Variants in HDAC9 observed in about 807,000 individuals in gnomAD.
The protein encoded by HDAC9 is MEF-2 interacting transcription repressor (MITR) protein.
HDAC9 carries 41 observed loss-of-function variants against 139.4 expected under a neutral mutation model. The observed-to-expected ratio is 0.29, with a 90% CI of 0.23 to 0.38. The LOEUF (loss-of-function observed/expected upper bound fraction) is 0.38. Among genes scored for constraint, HDAC9 ranks in the 10% least tolerant of loss-of-function variants. HDAC9 has a pLI of 1.00. For synonymous variants in HDAC9, 517 were observed against 476.2 expected, an observed-to-expected ratio of 1.09 and a Z score of -1.12; for missense variants, 1,147 against 1,297.0, an observed-to-expected ratio of 0.88 and a Z score of 1.78.
chr7:18,647,959 T>C lies in HDAC9; in HGVS notation c.1210T>C (p.Leu404=). 1.2e-6 allele frequency: 2 copies of C among 1,612,116 alleles called. No homozygotes were observed. The highest frequency in any genetic ancestry group is 1.7e-6 in the Non-Finnish European group (2 of 1,179,124). The change falls in exon 10 of 26, where the codon TTG becomes CTG. Residue 404 remains leucine, a synonymous_variant. Coordinates refer to ENST00000686413, the MANE Select transcript of HDAC9 (RefSeq NM_178425.4). ...CCAGGCTCTCCTGCAGCATTTATTA[T>C]TGAAAGAACAAATGCGACAGCAAAA... ...SHQALLQHLL[L]KEQMRQQKLL...
chr7:18,216,067 C>T (rs1584682158), intron 2 of HDAC9, among the ~76,000 whole-genome samples: 2 of 150,772 alleles, frequency 1.3e-5, no homozygotes, highest in East Asian at 3.9e-4. Flanking sequence ...TAGGTGTATG[C>T]AGCATGAAAT....
intron 6 of HDAC9, among the ~76,000 whole-genome samples, chr7:18,598,878 G>T (rs1562518531): frequency 1.3e-5 from 2 of 152,188 alleles, no homozygotes; most frequent in South Asian, 2.1e-4. Context: ...GTATTTCAGA[G>T]CTCACTATGG....
intron 21 of HDAC9, among the ~76,000 whole-genome samples, chr7:18,852,184 C>A (rs906115038): frequency 6.6e-6 from 1 of 152,144 alleles, no homozygotes; most frequent in African/African-American, 2.4e-5. Flanking sequence ...GAGCTAGTTG[C>A]TGTGGAGAAA....
intron 6 of HDAC9, among the ~76,000 whole-genome samples, chr7:18,626,947 G>T (rs574283772): frequency 1.3e-5 from 2 of 152,266 alleles, no homozygotes; most frequent in African/African-American, 4.8e-5. Flanking sequence ...TGAGAATAAG[G>T]AGATTTGGGG....
chr7:18,887,936 C>G (rs1441320848), intron 22 of HDAC9, among the ~76,000 whole-genome samples: 4 of 152,118 alleles, frequency 2.6e-5, no homozygotes, highest in African/African-American at 9.7e-5. Flanking sequence ...ATGCCAACAG[C>G]TCTTAGAATT....
At chr7:18,885,444 G>T (rs10253444) in intron 22 of HDAC9, among the ~76,000 whole-genome samples, 37,505 of 152,008 alleles carry the variant, frequency 0.25, 4,655 homozygotes, top group South Asian at 0.34. Flanking sequence ...TAGTACCTTT[G>T]TGTATTTTTT....
intron 2 of HDAC9, among the ~76,000 whole-genome samples, chr7:18,163,786 A>T (rs1241655234): frequency 1.3e-5 from 2 of 152,222 alleles, no homozygotes; most frequent in African/African-American, 4.8e-5. Context: ...ATTTGTATAT[A>T]AATTCAGTGT....
At chr7:18,677,351 G>A (rs548760946) in intron 12 of HDAC9, among the ~76,000 whole-genome samples, 1 of 151,428 alleles carries the variant, frequency 6.6e-6, no homozygotes, top group East Asian at 1.9e-4. Flanking sequence ...GTTAGCCACT[G>A]TACAGATATG....
At chr7:18,372,202 A>G (rs1487948922) in intron 1 of HDAC9, among the ~76,000 whole-genome samples, 1 of 152,222 alleles carries the variant, frequency 6.6e-6, no homozygotes, top group South Asian at 2.1e-4. Flanking sequence ...GCCAAGTTCA[A>G]AGCCACTGAG....
intron 13 of HDAC9, among the ~76,000 whole-genome samples, chr7:18,737,275 G>C (rs1020435133): frequency 6.6e-6 from 1 of 152,180 alleles, no homozygotes; most frequent in Non-Finnish European, 1.5e-5. Context: ...CTTTCCGCTA[G>C]CTTTTGAATT....
At chr7:18,777,644 A>G (rs6951973) in intron 16 of HDAC9, among the ~76,000 whole-genome samples, 32,098 of 151,920 alleles carry the variant, frequency 0.21, 3,946 homozygotes, top group East Asian at 0.61. Flanking sequence ...TTAAATGAAT[A>G]GAATCAAGAA....
chr7:18,532,944 A>G (rs910530177), intron 2 of HDAC9, among the ~76,000 whole-genome samples: 1 of 152,068 alleles, frequency 6.6e-6, no homozygotes, highest in Non-Finnish European at 1.5e-5. Flanking sequence ...CCCTGTACCC[A>G]TATGTGTTCA....
intron 22 of HDAC9, among the ~76,000 whole-genome samples, chr7:18,914,569 A>C (rs1803024857): frequency 6.6e-6 from 1 of 152,064 alleles, no homozygotes; most frequent in African/African-American, 2.4e-5. Flanking sequence ...AGTTTATATA[A>C]TTTAACATTT....
intron 25 of HDAC9, among the ~76,000 whole-genome samples, chr7:18,994,119 A>T (rs577716896): frequency 5.9e-5 from 9 of 152,296 alleles, no homozygotes; most frequent in Admixed American, 5.9e-4. Context: ...CCACAGAGAC[A>T]TGTGGATTCC....
chr7:18,288,841 A>T (rs626200), upstream of HDAC9, among the ~76,000 whole-genome samples: 1,181 of 152,222 alleles, frequency 7.8e-3, 12 homozygotes, highest in African/African-American at 0.027. Flanking sequence ...ATGCTCCAGG[A>T]TTTCAGAGAG....
intron 7 of HDAC9, among the ~76,000 whole-genome samples, chr7:18,629,834 G>A (rs1221160820): frequency 6.6e-6 from 1 of 152,102 alleles, no homozygotes; most frequent in Non-Finnish European, 1.5e-5. Flanking sequence ...GGAGGTCCAA[G>A]AAGAACACTT....
intron 2 of HDAC9, among the ~76,000 whole-genome samples, chr7:18,550,944 A>T (rs899485351): frequency 6.6e-6 from 1 of 152,232 alleles, no homozygotes; most frequent in African/African-American, 2.4e-5. Flanking sequence ...GACCCTAGCA[A>T]TCCTGTTGAG....
intron 2 of HDAC9, among the ~76,000 whole-genome samples, chr7:18,551,450 G>A (rs1417916215): frequency 2.0e-5 from 3 of 152,052 alleles, no homozygotes; most frequent in East Asian, 3.8e-4. Flanking sequence ...ACTAAACCCC[G>A]GGGAACCAGA....
At position 18,619,599 on chromosome 7, in the gene HDAC9, T is replaced by C. The variant is rs188419186; in HGVS notation, c.665-9751T>C. Among the ~76,000 whole-genome samples the C allele has an allele frequency of 7.3e-3, 1,112 of 152,242 alleles. 5 individuals are homozygous for C. Among genetic ancestry groups the C allele is most frequent in the Non-Finnish European group, 0.011 (771 of 68,012 alleles). ...AAGTAGCTCATAAGATCTGTGTCTATGGGGGCTTATTTTTATTTGAATGGG... is the reference window on the plus strand; with the variant it reads ...AAGTAGCTCATAAGATCTGTGTCTACGGGGGCTTATTTTTATTTGAATGGG... On this transcript the variant is annotated intron_variant, in intron 6 of 25. Coordinates refer to ENST00000686413, the MANE Select transcript of HDAC9 (RefSeq NM_178425.4).
Sources: gnomAD v4.1 joint callset for allele counts (sites outside exome capture counted in the v4.1 genomes callset) on GRCh38, gnomAD v4.1.1 for gene constraint, MANE v1.5 for transcripts, NCBI Gene and HGNC (gene_info 2026-07-23, HGNC 2026-07-21) for gene names.